The following EML4 variants were observed in gnomAD, a reference collection of about 807,000 sequenced individuals.
EML4 encodes the protein echinoderm microtubule-associated protein-like 4.
Under a neutral mutation model 129.0 loss-of-function variants are expected in EML4, and 72 were observed. That is an observed-to-expected ratio of 0.56 (90% confidence interval 0.46 to 0.68). The LOEUF is 0.68. EML4 is among the 30% of genes least tolerant of loss of function. The pLI is 0.00. For synonymous variants in EML4, 532 were observed against 405.0 expected (o/e 1.31, Z -3.77); for missense variants, 1,363 against 1,190.6 (o/e 1.14, Z -2.13).
At chr2:42,279,020 C>G (rs1329195875) in intron 6 of EML4, among the ~76,000 whole-genome samples, 1 of 152,034 alleles carries the variant, frequency 6.6e-6, no homozygotes, top group Non-Finnish European at 1.5e-5. Context: ...TTATAAACAC[C>G]TATTGGTTTA....
At chr2:42,264,933 C>G (rs1012761740) in intron 6 of EML4, 4 of 1,549,860 alleles carry the variant, frequency 2.6e-6, no homozygotes, top group Admixed American at 3.9e-5. Context: ...AATGTCAACT[C>G]GCGAAAAAAA....
chr2:42,217,008 AT>A (rs1484646976), intron 1 of EML4, among the ~76,000 whole-genome samples: 6 of 152,222 alleles, frequency 3.9e-5, no homozygotes, highest in Admixed American at 6.5e-5. Context: ...TAGAAAAAAA[AT>A]ATACAGTTTT....
chr2:42,230,588 T>C (rs1674270232), intron 1 of EML4, among the ~76,000 whole-genome samples: 1 of 152,056 alleles, frequency 6.6e-6, no homozygotes, highest in Non-Finnish European at 1.5e-5. Flanking sequence ...TTATTTTTAG[T>C]AGAGATGGGG....
intron 13 of EML4, among the ~76,000 whole-genome samples, chr2:42,296,744 G>C (rs1010718414): frequency 2.0e-5 from 3 of 152,148 alleles, no homozygotes; most frequent in African/African-American, 7.2e-5. Context: ...ATTGATGAAA[G>C]CACTGTTTTC....
chr2:42,222,094 G>A lies in EML4; in HGVS notation c.26-23411G>A, dbSNP rs904166771. 5.3e-5 allele frequency among the ~76,000 whole-genome samples: 8 copies of A among 152,160 alleles called. No individual in the cohort carries two copies. The East Asian group carries it at 9.7e-4, about 18-fold the overall frequency. On this transcript the variant is annotated intron_variant, in intron 1 of 22. Coordinates refer to ENST00000318522, the MANE Select transcript of EML4 (RefSeq NM_019063.5). ...TGTAGCCATGGAGAAGTTGAGTCAT[G>A]TTAATTAACACACCAGTGATTTCTG... is the stretch of plus-strand genomic sequence containing the variant.
intron 1 of EML4, among the ~76,000 whole-genome samples, chr2:42,218,337 A>T (rs1487271761): frequency 6.6e-6 from 1 of 151,968 alleles, no homozygotes; most frequent in East Asian, 1.9e-4. Flanking sequence ...GCTCCCACTG[A>T]TTCTACATTA....
rs1428581661 is a variant in EML4 at position 42,329,830 on chromosome 2, A to G, written c.2569A>G (p.Met857Val). The change falls in exon 23 of 23, where the codon ATG becomes GTG. Residue 857 changes from methionine (M) to valine (V), a missense_variant. Transcript: ENST00000318522. Reference protein sequence around the residue: ...SHLISTGGKDMSIIQWKLVEK... With the variant: ...SHLISTGGKDVSIIQWKLVEK... ...CCTGATATCAACTGGTGGAAAAGAC[A>G]TGAGCATCATTCAGTGGAAACTTGT... is the stretch of plus-strand genomic sequence containing the variant. 6 of 1,614,216 alleles carry G rather than the reference A, an allele frequency of 3.7e-6. No homozygotes were observed. Among genetic ancestry groups the G allele is most frequent in the Non-Finnish European group, 5.1e-6 (6 of 1,180,024 alleles).
chr2:42,303,239 G>C lies in EML4; in HGVS notation c.1767+10G>C. 1 of 1,614,132 alleles carries C rather than the reference G, an allele frequency of 6.2e-7. No individual in the cohort carries two copies. Among genetic ancestry groups the C allele is most frequent in the Non-Finnish European group, 8.5e-7 (1 of 1,180,008 alleles). ...CCAAATAGAAGTACAGGTAAGCTGT[G>C]TGATATTAACCGTTAACTGAATATT... On this transcript the variant is annotated intron_variant, in intron 15 of 22. Transcript: ENST00000318522.
intron 6 of EML4, among the ~76,000 whole-genome samples, chr2:42,270,522 CT>C (rs1666307083): frequency 6.6e-6 from 1 of 152,196 alleles, no homozygotes; most frequent in Non-Finnish European, 1.5e-5. Flanking sequence ...GTTTTCTGAC[CT>C]TTTGGCTCCA....
At chr2:42,177,861 A>G (rs1413146464) in intron 1 of EML4, among the ~76,000 whole-genome samples, 1 of 152,228 alleles carries the variant, frequency 6.6e-6, no homozygotes, top group East Asian at 1.9e-4. Flanking sequence ...GTAAAATATC[A>G]GTACTTCGTG....
At position 42,300,709 on chromosome 2, in the gene EML4, C is replaced by T. The variant is rs1028585628; in HGVS notation, c.1490-532C>T. Among the ~76,000 whole-genome samples, 3 of 152,234 alleles carry T rather than the reference C, an allele frequency of 2.0e-5. No homozygotes were observed. The East Asian group carries it at 5.8e-4, about 29-fold the overall frequency. On this transcript the variant is annotated intron_variant, in intron 13 of 22. Coordinates refer to ENST00000318522, the MANE Select transcript of EML4 (RefSeq NM_019063.5). The stretch of plus-strand genomic sequence containing the variant: ...CTCTGGGTTAACAATGGTTGTAAAA[C>T]GTTAAACGTTGTGACTGTTACCTCA...
intron 17 of EML4, among the ~76,000 whole-genome samples, chr2:42,315,521 C>A (rs945064927): frequency 6.6e-6 from 1 of 152,174 alleles, no homozygotes; most frequent in South Asian, 2.1e-4. Flanking sequence ...ATTTATCCTT[C>A]ATTAGAAGAA....
At chr2:42,314,099 C>T (rs1341906928) in intron 17 of EML4, among the ~76,000 whole-genome samples, 1 of 152,136 alleles carries the variant, frequency 6.6e-6, no homozygotes, top group Non-Finnish European at 1.5e-5. Context: ...TGGCTCATGC[C>T]TATAATCCCA....
At position 42,326,709 on chromosome 2, in the gene EML4, C is replaced by G. The variant is rs149456147; in HGVS notation, c.2341+457C>G. ...CCAGCCTGGCCAACATGGTGAAACC[C>G]TGTCTCTGCTAAAAATACAAAAATT... is the stretch of plus-strand genomic sequence containing the variant. On this transcript the variant is annotated intron_variant, in intron 21 of 22. Coordinates refer to ENST00000318522, the MANE Select transcript of EML4 (RefSeq NM_019063.5). Among the ~76,000 whole-genome samples the G allele has an allele frequency of 7.4e-3, 1,130 of 152,248 alleles. 12 individuals are homozygous for G. The highest frequency in any genetic ancestry group is 0.026 in the African/African-American group (1,086 of 41,540).
rs183496107 is a variant in EML4, at chr2:42,293,766, C to G, written c.1219-1359C>G. ...GCTGGGATAAAGGCGCCCACCACCA[C>G]GCCCAGCTACTTTTTTGTATTTTTA... On this transcript the variant is annotated intron_variant, in intron 11 of 22. Transcript: ENST00000318522. Among the ~76,000 whole-genome samples the G allele has an allele frequency of 3.0e-3, 455 of 152,214 alleles. 5 individuals carry two copies. Among genetic ancestry groups the G allele is most frequent in the African/African-American group, 0.01 (426 of 41,552 alleles).
Position 42,261,223 on chromosome 2 carries a change from C to A in EML4, c.441C>A (p.Pro147=), listed in dbSNP as rs368937633. 3 of 1,613,980 alleles carry A rather than the reference C, an allele frequency of 1.9e-6. No homozygotes were observed. In the Admixed American group the frequency reaches 5.0e-5, roughly 27 times the overall value. Residue 147 remains proline, a synonymous_variant, in exon 4 of 23, where the codon CCC becomes CCA. Coordinates refer to ENST00000318522, the MANE Select transcript of EML4 (RefSeq NM_019063.5). ...CACAAATTCGAGCATCACCTTCTCC[C>A]CAGCCCTCTTCACAACCTCTCCAAA... ...QSPQIRASPS[P]QPSSQPLQIH... is the part of the protein sequence containing the mutation.
intron 2 of EML4, among the ~76,000 whole-genome samples, chr2:42,254,849 A>T (rs1432827810): frequency 6.6e-6 from 1 of 152,210 alleles, no homozygotes; most frequent in Non-Finnish European, 1.5e-5. Context: ...TGTTTATGGC[A>T]GCACTATTCC....
intron 19 of EML4, 128 bp downstream of exon 19, chr2:42,317,652 G>T: frequency 1.6e-6 from 1 of 626,524 alleles, no homozygotes; most frequent in East Asian, 2.8e-5. Context: ...TTTGAAAACT[G>T]GAACTGGTAA....
At chr2:42,186,850 C>G (rs899342478) in intron 1 of EML4, among the ~76,000 whole-genome samples, 20 of 152,000 alleles carry the variant, frequency 1.3e-4, no homozygotes, top group African/African-American at 4.8e-4. Context: ...TTTAGGAGTA[C>G]AATGGGTCTT....
Sources: gnomAD v4.1 joint callset for allele counts (sites outside exome capture counted in the v4.1 genomes callset) on GRCh38, gnomAD v4.1.1 for gene constraint, MANE v1.5 for transcripts, NCBI Gene and HGNC (gene_info 2026-07-23, HGNC 2026-07-21) for gene names.